Variants in EFCAB14 observed in about 807,000 individuals in gnomAD.
The protein encoded by EFCAB14 is EF-hand calcium binding domain 14, also known as EF-hand calcium-binding domain-containing protein 14.
EFCAB14 carries 43 observed loss-of-function variants against 56.5 expected under a neutral mutation model. That is an observed-to-expected ratio of 0.76 (90% confidence interval 0.60 to 0.98). The LOEUF is 0.98. Among genes scored for constraint, EFCAB14 ranks in the 50% least tolerant of loss-of-function variants. The probability of loss-of-function intolerance (pLI) is 0.00; values close to 1 mark genes in which losing one functional copy is unlikely to be tolerated. For synonymous variants in EFCAB14, 235 were observed against 212.9 expected (o/e 1.10, Z -0.90); for missense variants, 538 against 580.3 (o/e 0.93, Z 0.75).
chr1:46,702,976 T>C (rs1677181750), intron 3 of EFCAB14, among the ~76,000 whole-genome samples: 1 of 152,250 alleles, frequency 6.6e-6, no homozygotes, highest in Non-Finnish European at 1.5e-5. Flanking sequence ...ATCTATACTT[T>C]TGCACATATA....
At chr1:46,703,538 T>C (rs2083486) in intron 3 of EFCAB14, among the ~76,000 whole-genome samples, 57,114 of 152,048 alleles carry the variant, frequency 0.38, 12,053 homozygotes, top group East Asian at 0.78. Context: ...GAACCATAAC[T>C]CATGCCTGAA....
chr1:46,685,566 G>A (rs957572268), intron 8 of EFCAB14, among the ~76,000 whole-genome samples: 1 of 152,158 alleles, frequency 6.6e-6, no homozygotes, highest in African/African-American at 2.4e-5. Context: ...TAATGGTAAG[G>A]AGAAATTGTA....
chr1:46,710,588 C>CT (rs1677294133), intron 2 of EFCAB14, among the ~76,000 whole-genome samples: 2 of 152,140 alleles, frequency 1.3e-5, no homozygotes, highest in Non-Finnish European at 2.9e-5. Context: ...CATGAGATCT[C>CT]TGTTACCTAG....
intron 4 of EFCAB14, 185 bp from the exon 5 acceptor site, chr1:46,692,122 C>T (rs973194893): frequency 1.5e-5 from 7 of 463,118 alleles, no homozygotes; most frequent in Non-Finnish European, 2.3e-5. Context: ...TCTCTGTAAT[C>T]ACTCCCTTGC....
intron 10 of EFCAB14, among the ~76,000 whole-genome samples, chr1:46,680,995 G>C (rs1023499662): frequency 1.3e-5 from 2 of 150,600 alleles, no homozygotes; most frequent in African/African-American, 2.4e-5. Context: ...TTTTGAGACA[G>C]GGTCTCCCTC....
intron 6 of EFCAB14, 56 bp from the exon 7 acceptor site, chr1:46,688,600 C>T (rs2304745): frequency 0.26 from 382,448 of 1,477,326 alleles, 50,669 homozygotes; most frequent in East Asian, 0.35. Context: ...ATTAGACAAG[C>T]AGGCCAGCAG....
chr1:46,693,444 T>C (rs1467737414), intron 4 of EFCAB14, among the ~76,000 whole-genome samples: 1 of 152,200 alleles, frequency 6.6e-6, no homozygotes, highest in Non-Finnish European at 1.5e-5. Flanking sequence ...ACTGAGCCAC[T>C]TGAAAGAAAC....
chr1:46,690,672 T>A (rs1057159245), intron 5 of EFCAB14, among the ~76,000 whole-genome samples: 1 of 152,180 alleles, frequency 6.6e-6, no homozygotes, highest in Non-Finnish European at 1.5e-5. Context: ...GGGGTCTTTG[T>A]TACTATGGGT....
In EFCAB14 at chr1:46,678,593, C is replaced by T. The variant is rs746291327; in HGVS notation, c.1356G>A (p.Gly452=). 1 of 1,614,074 alleles carries T rather than the reference C, an allele frequency of 6.2e-7. No homozygotes were observed. Among genetic ancestry groups the T allele is most frequent in the East Asian group, 2.2e-5 (1 of 44,880 alleles). The change falls in exon 11 of 11, where the codon GGG becomes GGA. Residue 452 remains glycine (G), a synonymous_variant. Transcript: ENST00000371933. ...TCCAGATTTCCTGGTAGGTCAGCTTCCCATCCACGTCCTGGCCAGTCTTGC... is the reference window on the plus strand; with the variant it reads ...TCCAGATTTCCTGGTAGGTCAGCTTTCCATCCACGTCCTGGCCAGTCTTGC... ...LFRKTGQDVD[G]KLTYQEIWTS...
At chr1:46,687,445 C>A (rs1322958679) in intron 7 of EFCAB14, among the ~76,000 whole-genome samples, 7 of 152,202 alleles carry the variant, frequency 4.6e-5, no homozygotes, top group Admixed American at 4.6e-4. Context: ...TCCAACTCCA[C>A]CCTTCAAAGC....
chr1:46,688,466 G>A lies in EFCAB14; in HGVS notation c.874C>T (p.Leu292Phe). 1 of 1,613,926 alleles carries A rather than the reference G, an allele frequency of 6.2e-7. No homozygotes were observed. Among genetic ancestry groups the A allele is most frequent in the Non-Finnish European group, 8.5e-7 (1 of 1,179,898 alleles). ...VGYQRQNDLK[L>F]EGMNETVSNL... ...CTGACTGTCTCGTTCATTCCCTCGA[G>A]TTTAAGATCATTCTGTCTCTGGTAC... Residue 292 changes from leucine (L) to phenylalanine (F), a missense_variant, in exon 7 of 11, where the codon CTC becomes TTC. Leu to Phe is a conservative substitution (Grantham distance 22, BLOSUM62 0). Transcript: ENST00000371933.
At position 46,717,960 on chromosome 1, in the gene EFCAB14, G is replaced by C; in HGVS notation, c.128C>G (p.Ser43Cys). 1 of 1,614,168 alleles carries C rather than the reference G, an allele frequency of 6.2e-7. No individual in the cohort carries two copies. The change falls in exon 1 of 11, where the codon TCC (serine) becomes TGC (cysteine). Residue 43 changes from serine to cysteine, a missense_variant. Physicochemically the swap from Ser to Cys is moderately radical, Grantham distance 112 (BLOSUM62 -1). Coordinates refer to ENST00000371933, the MANE Select transcript of EFCAB14 (RefSeq NM_014774.3). ...RTEPPDSDSE[S>C]SSEEEEEFGV... ...GAATTCCTCTTCCTCTTCGGAGCTG[G>C]ACTCAGAGTCTGAGTCGGGAGGCTC...
rs767780899 is a variant in EFCAB14, at chr1:46,683,344, G to A, written c.1268C>T (p.Ala423Val). 1.1e-5 allele frequency: 18 copies of A among 1,614,050 alleles called. No homozygotes were observed. The highest frequency in any genetic ancestry group is 3.3e-4 in the Middle Eastern group (2 of 6,058). ...QFLGDPVEKA[A>V]QLRPISLPGV... The stretch of plus-strand genomic sequence containing the variant: ...TGGTAGGGAGATAGGTCTTAGTTGG[G>A]CAGCTTTCTCAACTGGGTCTCCAAG... Residue 423 changes from alanine (A) to valine (V), a missense_variant, in exon 10 of 11, where the codon GCC becomes GTC. By Grantham distance (64) the Ala-to-Val change is moderately conservative. Coordinates refer to ENST00000371933, the MANE Select transcript of EFCAB14 (RefSeq NM_014774.3).
chr1:46,678,595 C>A lies in EFCAB14; in HGVS notation c.1354G>T (p.Gly452Trp). The A allele has an allele frequency of 6.2e-7, 1 of 1,614,040 alleles. No individual in the cohort carries two copies. The highest frequency in any genetic ancestry group is 8.5e-7 in the Non-Finnish European group (1 of 1,179,962). Residue 452 changes from glycine to tryptophan, a missense_variant, in exon 11 of 11, where the codon GGG becomes TGG. Coordinates refer to ENST00000371933, the MANE Select transcript of EFCAB14 (RefSeq NM_014774.3). ...LFRKTGQDVD[G>W]KLTYQEIWTS... ...CAGATTTCCTGGTAGGTCAGCTTCCCATCCACGTCCTGGCCAGTCTTGCGG... is the reference window on the plus strand; with the variant it reads ...CAGATTTCCTGGTAGGTCAGCTTCCAATCCACGTCCTGGCCAGTCTTGCGG...
intron 8 of EFCAB14, among the ~76,000 whole-genome samples, chr1:46,686,065 G>A (rs1199051554): frequency 6.6e-6 from 1 of 152,206 alleles, no homozygotes; most frequent in Non-Finnish European, 1.5e-5. Flanking sequence ...ATGCATTTGA[G>A]ATGGTAATTT....
At chr1:46,699,015 C>T (rs904337832) in intron 3 of EFCAB14, among the ~76,000 whole-genome samples, 9 of 151,766 alleles carry the variant, frequency 5.9e-5, no homozygotes, top group Non-Finnish European at 1.0e-4. Flanking sequence ...AGAGATGATA[C>T]GATTTGCTGG....
intron 5 of EFCAB14, 85 bp from the exon 6 acceptor site, chr1:46,689,776 G>C (rs1348705055): frequency 3.4e-6 from 4 of 1,190,298 alleles, no homozygotes; most frequent in African/African-American, 1.5e-5. Flanking sequence ...GAACATTCTA[G>C]CCTCCCCCAG....
Position 46,684,389 on chromosome 1 carries a change from C to G in EFCAB14, c.1186+102G>C, listed in dbSNP as rs574560064. 1.2e-5 allele frequency: 11 copies of G among 914,546 alleles called. No individual in the cohort carries two copies. In the African/African-American group the frequency reaches 1.8e-4, roughly 15 times the overall value. The allele number at this position is 914,546 out of a possible 1,614,324, so 56.7% of individuals were successfully genotyped here. A position where few individuals can be genotyped will look rare whatever the true frequency, so the allele number is the denominator to read the frequency against. Reference sequence around the variant, plus strand: ...TCTCGGTGCGTTCAGGCATCACTCGCTTGGTGCGATCAGTACTGCTGGAAC... The same window carrying G: ...TCTCGGTGCGTTCAGGCATCACTCGGTTGGTGCGATCAGTACTGCTGGAAC... On this transcript the variant is annotated intron_variant, in intron 9 of 10. Transcript: ENST00000371933.
intron 3 of EFCAB14, among the ~76,000 whole-genome samples, chr1:46,703,113 C>CTT (rs5773921): frequency 1.9e-4 from 28 of 146,770 alleles, no homozygotes; most frequent in African/African-American, 6.4e-4. Flanking sequence ...TCTGCTCGTA[C>CTT]TTTTTTTTTT....
Sources: allele counts gnomAD v4.1 joint callset (sites outside exome capture counted in the v4.1 genomes callset), GRCh38; gene constraint gnomAD v4.1.1; transcripts MANE v1.5; gene names NCBI Gene and HGNC (gene_info 2026-07-23, HGNC 2026-07-21).